Variants in MICAL3 observed in about 807,000 individuals in gnomAD.
MICAL3 encodes [F-actin]-monooxygenase MICAL3.
Under a neutral mutation model 207.4 loss-of-function variants are expected in MICAL3, and 62 were observed. The observed-to-expected ratio is 0.30, with a 90% CI of 0.24 to 0.37. The LOEUF (loss-of-function observed/expected upper bound fraction) is 0.37. MICAL3 is among the 10% of genes least tolerant of loss of function. The probability of loss-of-function intolerance (pLI) is 1.00; values close to 1 mark genes in which losing one functional copy is unlikely to be tolerated. For synonymous variants in MICAL3, 1,077 were observed against 1,069.3 expected (o/e 1.01, Z -0.14); for missense variants, 2,368 against 2,635.6 (o/e 0.90, Z 2.22).
chr22:17,921,718 G>A (rs1932804112), intron 1 of MICAL3, among the ~76,000 whole-genome samples: 1 of 152,018 alleles, frequency 6.6e-6, no homozygotes, highest in African/African-American at 2.4e-5. Context: ...CGAACTCTTG[G>A]CCTCAAGTGA....
At chr22:18,002,891 T>C (rs1923133067) in intron 1 of MICAL3, among the ~76,000 whole-genome samples, 1 of 151,882 alleles carries the variant, frequency 6.6e-6, no homozygotes, top group South Asian at 2.1e-4. Flanking sequence ...GCGCGGTGGC[T>C]CACGCCTATA....
chr22:17,824,369 G>T (rs577902186), intron 22 of MICAL3, among the ~76,000 whole-genome samples: 1 of 152,222 alleles, frequency 6.6e-6, no homozygotes, highest in Non-Finnish European at 1.5e-5. Context: ...CGGTTAGGTG[G>T]ATTTCTTAAA....
chr22:17,982,749 AAAT>A (rs1362437896), intron 1 of MICAL3, among the ~76,000 whole-genome samples: 2 of 146,548 alleles, frequency 1.4e-5, no homozygotes, highest in East Asian at 3.8e-4. Flanking sequence ...AAATAAAATA[AAAT>A]AAAAAAGTAA....
chr22:17,792,696 T>A (rs529152603), intron 29 of MICAL3, among the ~76,000 whole-genome samples: 1 of 152,208 alleles, frequency 6.6e-6, no homozygotes, highest in Admixed American at 6.5e-5. Context: ...AAGCAGGGGT[T>A]AGTGTCTGTA....
chr22:17,876,928 GGGAGGTT>G (rs1569109441), intron 16 of MICAL3: 3 of 56,500 alleles, frequency 5.3e-5, no homozygotes, highest in African/African-American at 8.1e-5. Flanking sequence ...ATGGAGGTTA[GGGAGGTT>G]AGGGAGGTTA....
chr22:17,835,606 T>C (rs1469515136), intron 20 of MICAL3, among the ~76,000 whole-genome samples: 1 of 152,252 alleles, frequency 6.6e-6, no homozygotes, highest in African/African-American at 2.4e-5. Flanking sequence ...TGGAAACTTC[T>C]TAAGCACAGA....
At chr22:17,807,243 T>C (rs967855798) in intron 29 of MICAL3, among the ~76,000 whole-genome samples, 16 of 152,228 alleles carry the variant, frequency 1.1e-4, no homozygotes, top group African/African-American at 3.4e-4. Flanking sequence ...CAGGGCCCCA[T>C]AGGCCCGGAC....
chr22:17,982,312 C>G (rs78810551), intron 1 of MICAL3, among the ~76,000 whole-genome samples: 1 of 152,156 alleles, frequency 6.6e-6, no homozygotes, highest in African/African-American at 2.4e-5. Flanking sequence ...AGAAACTGCA[C>G]GTGCAACACG....
intron 1 of MICAL3, among the ~76,000 whole-genome samples, chr22:17,941,140 G>A (rs996781930): frequency 3.9e-5 from 6 of 152,078 alleles, no homozygotes; most frequent in Admixed American, 2.6e-4. Flanking sequence ...GGACCCCACC[G>A]TTCACCTGCT....
intron 1 of MICAL3, among the ~76,000 whole-genome samples, chr22:18,001,877 C>G (rs5992957): frequency 4.0e-5 from 6 of 151,492 alleles, no homozygotes; most frequent in Non-Finnish European, 8.8e-5. Context: ...AAAGCCTGCC[C>G]CCGGAGAGAA....
At chr22:17,872,317 G>C (rs555177816) in intron 16 of MICAL3, among the ~76,000 whole-genome samples, 15 of 152,278 alleles carry the variant, frequency 9.9e-5, no homozygotes, top group Admixed American at 8.5e-4. Context: ...CCAGACTTGA[G>C]TAATGCTATG....
In MICAL3 at chr22:17,896,976, G is replaced by A. The variant is rs375133147; in HGVS notation, c.954C>T (p.Tyr318=). 3.0e-5 allele frequency: 48 copies of A among 1,611,342 alleles called. No homozygotes were observed. Among genetic ancestry groups the A allele is most frequent in the South Asian group, 2.3e-4 (21 of 90,914 alleles). ...LLDKGVILHD[Y]ADTELLLSRE... is the part of the protein sequence containing the mutation. Reference sequence around the variant, plus strand: ...GGGAAAGCAGGAGCTCTGTGTCGGCGTAGTCCTGTCTCCAGAGAAAGAGGA... The same window carrying A: ...GGGAAAGCAGGAGCTCTGTGTCGGCATAGTCCTGTCTCCAGAGAAAGAGGA... Residue 318 remains tyrosine, a synonymous_variant, in exon 8 of 32, where the codon TAC becomes TAT. Transcript: ENST00000441493.
rs1317818348 is a variant in MICAL3, at chr22:17,790,894, C to T, written c.5847G>A (p.Glu1949=). 6.2e-7 allele frequency: 1 copy of T among 1,613,834 alleles called. No homozygotes were observed. The highest frequency in any genetic ancestry group is 2.2e-5 in the East Asian group (1 of 44,878). Residue 1949 remains glutamate (E), a synonymous_variant, in exon 32 of 32, where the codon GAG becomes GAA. Coordinates refer to ENST00000441493, the MANE Select transcript of MICAL3 (RefSeq NM_015241.3). The part of the protein sequence containing the change: ...AVEDHLKTEE[E]LSEEKQILNE... Reference sequence around the variant, plus strand: ...TGAGAATCTGCTTCTCTTCTGACAGCTCCTCCTCAGTCTTAAGGTGATCTT... The same window carrying T: ...TGAGAATCTGCTTCTCTTCTGACAGTTCCTCCTCAGTCTTAAGGTGATCTT...
intron 29 of MICAL3, among the ~76,000 whole-genome samples, chr22:17,794,025 C>T (rs961063204): frequency 6.6e-6 from 1 of 152,184 alleles, no homozygotes; most frequent in African/African-American, 2.4e-5. Flanking sequence ...TGAATTAAGT[C>T]CTTTTTTCAG....
At chr22:17,802,489 G>C (rs1222865765) in intron 29 of MICAL3, among the ~76,000 whole-genome samples, 1 of 152,156 alleles carries the variant, frequency 6.6e-6, no homozygotes, top group African/African-American at 2.4e-5. Flanking sequence ...ACCAGTGGTC[G>C]TTGAGTGTGG....
chr22:17,896,143 A>T (rs1930806287), intron 9 of MICAL3, 103 bp downstream of exon 9: 1 of 614,600 alleles, frequency 1.6e-6, no homozygotes, highest in African/African-American at 1.9e-5. Flanking sequence ...TTAATTAAGA[A>T]GGCAGAGAAA....
intron 9 of MICAL3, among the ~76,000 whole-genome samples, chr22:17,895,790 G>A (rs78027910): frequency 0.037 from 5,556 of 152,134 alleles, 168 homozygotes; most frequent in Non-Finnish European, 0.054. Context: ...TTAAATAAGA[G>A]ACAAAATAAG....
chr22:17,877,903 A>T (rs555838375), intron 16 of MICAL3, among the ~76,000 whole-genome samples: 1 of 150,914 alleles, frequency 6.6e-6, no homozygotes, highest in Admixed American at 6.6e-5. Flanking sequence ...CCCAGGCTGG[A>T]GTGCAGTGGC....
intron 1 of MICAL3, among the ~76,000 whole-genome samples, chr22:17,928,447 AGAAAG>A (rs757137835): frequency 1.2e-4 from 18 of 146,250 alleles, no homozygotes; most frequent in African/African-American, 1.8e-4. Flanking sequence ...TCAAAAAAAA[AGAAAG>A]AAAGAAAGAA....
Sources: allele counts gnomAD v4.1 joint callset (sites outside exome capture counted in the v4.1 genomes callset), GRCh38; gene constraint gnomAD v4.1.1; transcripts MANE v1.5; gene names NCBI Gene and HGNC (gene_info 2026-07-23, HGNC 2026-07-21).